Variants in IL17RD observed in about 807,000 individuals in gnomAD.
IL17RD encodes interleukin-17 receptor D.
IL17RD carries 52 observed loss-of-function variants against 80.5 expected under a neutral mutation model. That is an observed-to-expected ratio of 0.65 (90% confidence interval 0.52 to 0.81). The LOEUF (loss-of-function observed/expected upper bound fraction) is 0.81. Ranked by LOEUF, IL17RD falls within the 40% of genes least tolerant of loss-of-function variation. The probability of loss-of-function intolerance (pLI) is 0.00; values close to 1 mark genes in which losing one functional copy is unlikely to be tolerated. For missense variants in IL17RD, 1,024 were observed against 955.1 expected (o/e 1.07, Z -0.95); for synonymous variants, 416 against 391.8 (o/e 1.06, Z -0.73).
At chr3:57,111,528 T>C (rs980268347) in intron 3 of IL17RD, among the ~76,000 whole-genome samples, 2 of 152,166 alleles carry the variant, frequency 1.3e-5, no homozygotes, top group African/African-American at 4.8e-5. Flanking sequence ...CTCGCAGGAC[T>C]TGCCTTTTGA....
chr3:57,120,840 C>A (rs1707321597), intron 1 of IL17RD, among the ~76,000 whole-genome samples: 1 of 152,090 alleles, frequency 6.6e-6, no homozygotes, highest in African/African-American at 2.4e-5. Context: ...TCACTGCATC[C>A]ATACCTATGC....
chr3:57,108,326 T>C (rs2107479955), intron 5 of IL17RD, among the ~76,000 whole-genome samples: 2 of 151,984 alleles, frequency 1.3e-5, no homozygotes, highest in South Asian at 4.2e-4. Flanking sequence ...ATTGCTGGGA[T>C]TACAAGCATG....
chr3:57,157,636 C>T (rs1023850146), intron 1 of IL17RD, among the ~76,000 whole-genome samples: 3 of 152,248 alleles, frequency 2.0e-5, no homozygotes, highest in East Asian at 1.9e-4. Flanking sequence ...ACAGAGACCA[C>T]GCTCAGGCGG....
At chr3:57,111,600 C>T (rs1171425768) in intron 3 of IL17RD, among the ~76,000 whole-genome samples, 1 of 152,166 alleles carries the variant, frequency 6.6e-6, no homozygotes, top group East Asian at 1.9e-4. Flanking sequence ...ATTTACGCAA[C>T]ATTCCCAGAA....
chr3:57,113,206 T>C (rs992064707), intron 3 of IL17RD, among the ~76,000 whole-genome samples: 1 of 152,206 alleles, frequency 6.6e-6, no homozygotes, highest in Admixed American at 6.5e-5. Flanking sequence ...ACAGGTTTGC[T>C]TTTTTCTTTT....
rs151025670 is a variant in IL17RD, at chr3:57,137,825, C to A, written c.127-17512G>T. Among the ~76,000 whole-genome samples, 277 of 152,302 alleles carry A rather than the reference C, an allele frequency of 1.8e-3. 1 individual carries two copies. The highest frequency in any genetic ancestry group is 3.4e-3 in the Middle Eastern group (1 of 294). On this transcript the variant is annotated intron_variant, in intron 1 of 12. Transcript: ENST00000296318. ...TGTTGCTCTTACACACCTTGACTTT[C>A]CTGTCTGTACTCAGAGTAAACCAGT...
chr3:57,134,279 G>A, intron 1 of IL17RD: 1 of 681,200 alleles, frequency 1.5e-6, no homozygotes. Flanking sequence ...TCAAAGATGG[G>A]CTGATCATCT....
chr3:57,165,407 C>T, upstream of IL17RD: 1 of 809,132 alleles, frequency 1.2e-6, no homozygotes, highest in Non-Finnish European at 1.6e-6. Context: ...ACTGGGCATG[C>T]GTTGCCAGCC....
chr3:57,103,766 G>A (rs973726659), intron 8 of IL17RD, among the ~76,000 whole-genome samples: 3 of 151,986 alleles, frequency 2.0e-5, no homozygotes, highest in South Asian at 2.1e-4. Context: ...GTGCAGTGGC[G>A]CAATTTCAGC....
At chr3:57,136,682 CA>C (rs1707737933) in intron 1 of IL17RD, among the ~76,000 whole-genome samples, 2 of 126,070 alleles carry the variant, frequency 1.6e-5, no homozygotes, top group South Asian at 5.2e-4. Context: ...GATCTAAAAG[CA>C]ATATTTAACT....
intron 1 of IL17RD, 90 bp downstream of exon 1, chr3:57,165,071 T>C: frequency 7.2e-7 from 1 of 1,380,916 alleles, no homozygotes; most frequent in Non-Finnish European, 9.3e-7. Flanking sequence ...AGCAGACAGG[T>C]TGGCGCGGGC....
chr3:57,096,092 A>C lies in IL17RD; in HGVS notation c.*301T>G, dbSNP rs1706663906. The stretch of plus-strand genomic sequence containing the variant: ...CAGGTATCTTCCTGTTTTTCTTTAC[A>C]TATTTCCTCCCTACCTCCCACAACA... On this transcript the variant is annotated 3_prime_UTR_variant, in exon 13 of 13. Coordinates refer to ENST00000296318, the MANE Select transcript of IL17RD (RefSeq NM_017563.5). The C allele has an allele frequency of 6.0e-6, 2 of 334,134 alleles. No individual in the cohort carries two copies. The highest frequency in any genetic ancestry group is 1.0e-4 in the South Asian group (2 of 20,038). 20.7% of individuals were successfully genotyped at this position (334,134 alleles called of 1,614,324 possible). A position where few individuals can be genotyped will look rare whatever the true frequency, so the allele number is the denominator to read the frequency against.
intron 3 of IL17RD, among the ~76,000 whole-genome samples, chr3:57,111,783 C>A (rs1484914404): frequency 7.2e-6 from 1 of 138,540 alleles, no homozygotes; most frequent in Non-Finnish European, 1.6e-5. Flanking sequence ...ACGGTGAAAC[C>A]CTGTCTCTGC....
At chr3:57,164,481 G>C (rs1294298610) in intron 1 of IL17RD, among the ~76,000 whole-genome samples, 2 of 152,220 alleles carry the variant, frequency 1.3e-5, no homozygotes, top group Non-Finnish European at 2.9e-5. Flanking sequence ...TGACACCCAC[G>C]CGGCCCTTTG....
chr3:57,105,162 C>T (rs1486720432), intron 7 of IL17RD, among the ~76,000 whole-genome samples: 1 of 152,120 alleles, frequency 6.6e-6, no homozygotes, highest in East Asian at 1.9e-4. Flanking sequence ...ACAGCAGCCT[C>T]TGTTTCATAG....
At chr3:57,125,591 A>G (rs1707443021) in intron 1 of IL17RD, among the ~76,000 whole-genome samples, 1 of 152,146 alleles carries the variant, frequency 6.6e-6, no homozygotes, top group South Asian at 2.1e-4. Context: ...AGTTACAAAG[A>G]GATAATGAGG....
At position 57,133,456 on chromosome 3, in the gene IL17RD, T is replaced by C. The variant is rs182773338; in HGVS notation, c.127-13143A>G. On this transcript the variant is annotated intron_variant, in intron 1 of 12. Coordinates refer to ENST00000296318, the MANE Select transcript of IL17RD (RefSeq NM_017563.5). ...ACACAATGACATACCAATTAAATCA[T>C]TGTATGACATTTAGGCCAGGAAATA... Among the ~76,000 whole-genome samples, 38 of 152,338 alleles carry C rather than the reference T, an allele frequency of 2.5e-4. No homozygotes were observed. The East Asian group carries it at 6.5e-3, about 26-fold the overall frequency.
At chr3:57,116,014 C>A (rs899514764) in intron 2 of IL17RD, among the ~76,000 whole-genome samples, 20 of 152,224 alleles carry the variant, frequency 1.3e-4, no homozygotes, top group Non-Finnish European at 2.8e-4. Flanking sequence ...AAAAGGCATT[C>A]ATAACCTCTT....
chr3:57,149,933 T>C (rs895639352), intron 1 of IL17RD, among the ~76,000 whole-genome samples: 4 of 152,332 alleles, frequency 2.6e-5, no homozygotes, highest in Middle Eastern at 3.4e-3. Flanking sequence ...GTTTTTGGTG[T>C]ATGGGTCCAC....
Sources: gnomAD v4.1 joint callset for allele counts (sites outside exome capture counted in the v4.1 genomes callset) on GRCh38, gnomAD v4.1.1 for gene constraint, MANE v1.5 for transcripts, NCBI Gene and HGNC (gene_info 2026-07-23, HGNC 2026-07-21) for gene names.